The following RAB40B variants were observed in gnomAD, a reference collection of about 807,000 sequenced individuals.
RAB40B encodes the protein RAB40B, member RAS oncogene family.
A neutral mutation model predicts 24.0 loss-of-function variants in RAB40B; 21 were observed. The ratio of observed to expected loss-of-function variants is 0.88; its 90% confidence interval spans 0.62 to 1.26. RAB40B has a LOEUF of 1.26. Ranked by LOEUF, RAB40B falls within the 50% of genes most tolerant of loss-of-function variation. RAB40B has a pLI of 0.00. For missense variants in RAB40B, 348 were observed against 390.5 expected, an observed-to-expected ratio of 0.89 and a Z score of 0.92; for synonymous variants, 167 against 169.8, an observed-to-expected ratio of 0.98 and a Z score of 0.13.
intron 1 of RAB40B, among the ~76,000 whole-genome samples, chr17:82,691,256 GA>G (rs1190153008): frequency 6.6e-6 from 1 of 152,196 alleles, no homozygotes; most frequent in Non-Finnish European, 1.5e-5. Flanking sequence ...TTTATGCTGG[GA>G]AAAGGACACT....
At chr17:82,681,119 A>G (rs2046446050) in intron 1 of RAB40B, among the ~76,000 whole-genome samples, 1 of 152,002 alleles carries the variant, frequency 6.6e-6, no homozygotes, top group Non-Finnish European at 1.5e-5. Context: ...TCTGCTTCAT[A>G]TACATTGAAC....
chr17:82,683,282 A>G (rs1236640900), intron 1 of RAB40B, among the ~76,000 whole-genome samples: 1 of 152,240 alleles, frequency 6.6e-6, no homozygotes, highest in South Asian at 2.1e-4. Flanking sequence ...TATGACATTA[A>G]AAGGATGGTC....
chr17:82,693,107 C>T (rs1361734145), intron 1 of RAB40B, among the ~76,000 whole-genome samples: 1 of 151,984 alleles, frequency 6.6e-6, no homozygotes, highest in African/African-American at 2.4e-5. Flanking sequence ...GGTTCAAGTG[C>T]TTCTCCTGCC....
At chr17:82,680,391 G>C (rs116338339) in intron 1 of RAB40B, among the ~76,000 whole-genome samples, 1 of 152,196 alleles carries the variant, frequency 6.6e-6, no homozygotes, top group African/African-American at 2.4e-5. Flanking sequence ...CGGGACGGCA[G>C]TTCCCCCACG....
rs531062986 is a variant in RAB40B at position 82,662,453 on chromosome 17, G to A, written c.204-1406C>T. 36 of 985,454 alleles carry A rather than the reference G, an allele frequency of 3.7e-5. No individual in the cohort carries two copies. The South Asian group carries it at 5.2e-4, about 14-fold the overall frequency. 61.0% of individuals were successfully genotyped at this position (985,454 alleles called of 1,614,324 possible). On this transcript the variant is annotated intron_variant, in intron 2 of 5. Transcript: ENST00000571995. Reference sequence around the variant, plus strand: ...CCCTCCTCAGCTGGGACAACGTGCCGGCCTCCTGGGCCGCTGCCACCCTGA... The same window carrying A: ...CCCTCCTCAGCTGGGACAACGTGCCAGCCTCCTGGGCCGCTGCCACCCTGA...
chr17:82,661,684 G>A (rs2046174496), intron 2 of RAB40B, among the ~76,000 whole-genome samples: 1 of 151,956 alleles, frequency 6.6e-6, no homozygotes, highest in Admixed American at 6.6e-5. Flanking sequence ...GTCAGGAGTT[G>A]GAGACCAGCC....
chr17:82,693,792 G>C (rs1568047482), intron 1 of RAB40B, among the ~76,000 whole-genome samples: 1 of 152,120 alleles, frequency 6.6e-6, no homozygotes, highest in East Asian at 1.9e-4. Context: ...AGTCACAGAA[G>C]TGCACATTGG....
At chr17:82,694,312 C>T (rs775946728) in intron 1 of RAB40B, among the ~76,000 whole-genome samples, 1 of 151,314 alleles carries the variant, frequency 6.6e-6, no homozygotes, top group African/African-American at 2.5e-5. Context: ...AGCAGATCAC[C>T]TGAGGTTAGG....
rs536270819 is a variant in RAB40B at position 82,675,331 on chromosome 17, C to G, written c.143-10775G>C. Among the ~76,000 whole-genome samples, 1 of 152,310 alleles carries G rather than the reference C, an allele frequency of 6.6e-6. No individual in the cohort carries two copies. Among genetic ancestry groups the G allele is most frequent in the South Asian group, 2.1e-4 (1 of 4,822 alleles). On this transcript the variant is annotated intron_variant, in intron 1 of 5. Transcript: ENST00000571995. The surrounding 1 kb of genome is among the most constrained non-coding windows in gnomAD (Gnocchi z 4.5). ...ATGCATAACCCACACCCACAACCTG[C>G]CCTGGCAAATGACCAGCTTTGAAAG...
intron 5 of RAB40B, 140 bp downstream of exon 5, chr17:82,658,351 T>G: frequency 9.0e-7 from 1 of 1,114,986 alleles, no homozygotes; most frequent in Non-Finnish European, 1.3e-6. Flanking sequence ...AGTCATTACT[T>G]CTCTCAAATG....
chr17:82,694,079 T>C (rs770187096), intron 1 of RAB40B, among the ~76,000 whole-genome samples: 1 of 124,350 alleles, frequency 8.0e-6, no homozygotes, highest in Non-Finnish European at 1.6e-5. Flanking sequence ...CGAGACTCCA[T>C]CTCAAAAAAA....
intron 2 of RAB40B, chr17:82,661,306 A>C: frequency 1.6e-6 from 2 of 1,245,740 alleles, no homozygotes; most frequent in South Asian, 2.3e-5. Context: ...CATAATTCTC[A>C]GATATTTAAA....
intron 1 of RAB40B, among the ~76,000 whole-genome samples, chr17:82,686,401 C>T (rs892707694): frequency 6.6e-6 from 1 of 152,204 alleles, no homozygotes; most frequent in Admixed American, 6.5e-5. Flanking sequence ...CATGAGCCAC[C>T]GCGCCCGGCC....
At chr17:82,688,610 G>A (rs187401510) in intron 1 of RAB40B, among the ~76,000 whole-genome samples, 87 of 151,552 alleles carry the variant, frequency 5.7e-4, no homozygotes, top group African/African-American at 2.0e-3. Flanking sequence ...GCGAGACTCC[G>A]TCTCAAAAAT....
chr17:82,662,056 G>A lies in RAB40B; in HGVS notation c.204-1009C>T. ...TGGGAGATTCCCCAGTGGGCCAGGG[G>A]CTGGCCCCGCACACGAGACACAACC... On this transcript the variant is annotated intron_variant, in intron 2 of 5. Transcript: ENST00000571995. 3 of 985,428 alleles carry A rather than the reference G, an allele frequency of 3.0e-6. No homozygotes were observed. The South Asian group carries it at 1.4e-4, about 46-fold the overall frequency. The allele number at this position is 985,428 out of a possible 1,614,324, so 61.0% of individuals were successfully genotyped here.
chr17:82,671,594 C>G (rs2046337204), intron 1 of RAB40B, among the ~76,000 whole-genome samples: 1 of 114,826 alleles, frequency 8.7e-6, no homozygotes, highest in African/African-American at 3.3e-5. Context: ...AACACACACT[C>G]ACATGCTCCC....
chr17:82,679,569 G>A (rs1047363669), intron 1 of RAB40B, among the ~76,000 whole-genome samples: 1 of 152,110 alleles, frequency 6.6e-6, no homozygotes, highest in Non-Finnish European at 1.5e-5. Flanking sequence ...GAGCCACTGC[G>A]CCCGGCCGCC....
rs537644764 is a variant in RAB40B, at chr17:82,664,374, G to T, written c.203+122C>A. ...GTGGTGGGAGGGTGTTCCCGGGGGC[G>T]CTGTGCCGATGGTGGTGGGGGATGG... On this transcript the variant is annotated intron_variant, in intron 2 of 5. Transcript: ENST00000571995. 1.2e-4 allele frequency: 110 copies of T among 914,554 alleles called. No individual in the cohort carries two copies. In the Admixed American group the frequency reaches 1.5e-3, roughly 13 times the overall value. 56.7% of individuals were successfully genotyped at this position (914,554 alleles called of 1,614,324 possible). A position where few individuals can be genotyped will look rare whatever the true frequency, so the allele number is the denominator to read the frequency against.
At chr17:82,691,393 C>T (rs567220669) in intron 1 of RAB40B, among the ~76,000 whole-genome samples, 1 of 152,010 alleles carries the variant, frequency 6.6e-6, no homozygotes, top group African/African-American at 2.4e-5. Context: ...CACCAATAAA[C>T]ATGTGCAAAA....
Sources: allele counts gnomAD v4.1 joint callset (sites outside exome capture counted in the v4.1 genomes callset), GRCh38; gene constraint gnomAD v4.1.1; non-coding constraint Gnocchi (gnomAD v3.1); transcripts MANE v1.5; gene names NCBI Gene and HGNC (gene_info 2026-07-23, HGNC 2026-07-21).